DLG2: variants seen among roughly 807,000 people sequenced by gnomAD.
DLG2 encodes the protein disks large homolog 2.
In DLG2, 45 loss-of-function variants were observed where a neutral mutation model predicts 132.5. The observed-to-expected ratio is 0.34, with a 90% CI of 0.27 to 0.44. DLG2 has a LOEUF of 0.44. DLG2 is among the 20% of genes least tolerant of loss of function. The pLI, the probability that DLG2 is intolerant of heterozygous loss-of-function variation, is 1.00. For missense variants in DLG2, 1,045 were observed against 1,196.9 expected (o/e 0.87, Z 1.87); for synonymous variants, 424 against 419.6 (o/e 1.01, Z -0.13).
At chr11:84,308,924 C>T (rs1211637748) in intron 7 of DLG2, among the ~76,000 whole-genome samples, 1 of 152,172 alleles carries the variant, frequency 6.6e-6, no homozygotes, top group East Asian at 1.9e-4. Context: ...TCTCCCTCCA[C>T]ACCTCTCTGC....
chr11:84,278,556 T>A (rs1365627789), intron 7 of DLG2, among the ~76,000 whole-genome samples: 1 of 151,938 alleles, frequency 6.6e-6, no homozygotes, highest in Non-Finnish European at 1.5e-5. Context: ...TAAACCCTCA[T>A]GAATATACAA....
At chr11:83,612,577 C>G (rs997967643) in intron 19 of DLG2, among the ~76,000 whole-genome samples, 1 of 152,172 alleles carries the variant, frequency 6.6e-6, no homozygotes, top group Non-Finnish European at 1.5e-5. Flanking sequence ...CATGCCTCTC[C>G]TTTAATAAAC....
At chr11:84,826,465 A>G (rs1430714491) in intron 6 of DLG2, among the ~76,000 whole-genome samples, 1 of 151,908 alleles carries the variant, frequency 6.6e-6, no homozygotes, top group Non-Finnish European at 1.5e-5. Context: ...TTCCAATCAC[A>G]TAGCTTGTAG....
At position 84,227,144 on chromosome 11, in the gene DLG2, G is replaced by A. The variant is rs2097011234; in HGVS notation, c.573+24094C>T. Among the ~76,000 whole-genome samples the A allele has an allele frequency of 3.3e-5, 5 of 152,118 alleles. 1 individual carries two copies. The South Asian group carries it at 1.0e-3, about 32-fold the overall frequency. On this transcript the variant is annotated intron_variant, in intron 8 of 27. Coordinates refer to ENST00000376104, the MANE Select transcript of DLG2 (RefSeq NM_001142699.3). ...TAAAAAAGTACCTCAGAACAAGGAA[G>A]AGGGTGTACATGGTAGGAGGAGGGG... is the stretch of plus-strand genomic sequence containing the variant.
At chr11:85,490,902 A>T (rs980627051) in intron 3 of DLG2, among the ~76,000 whole-genome samples, 1 of 152,166 alleles carries the variant, frequency 6.6e-6, no homozygotes, top group African/African-American at 2.4e-5. Flanking sequence ...AAAAGGGAAG[A>T]ATTATCCCGA....
chr11:84,541,741 G>A (rs917626756), intron 6 of DLG2, among the ~76,000 whole-genome samples: 8 of 152,096 alleles, frequency 5.3e-5, no homozygotes, highest in South Asian at 2.1e-4. Flanking sequence ...AACATGATCC[G>A]CATAATCAGA....
chr11:85,378,847 T>C (rs1016554489), intron 3 of DLG2, among the ~76,000 whole-genome samples: 4 of 152,186 alleles, frequency 2.6e-5, no homozygotes, highest in Non-Finnish European at 5.9e-5. Context: ...AAAGTTTGAA[T>C]ACATCTTTCC....
chr11:85,481,625 CAGGTCTGTAT>C (rs1302734480), intron 3 of DLG2, among the ~76,000 whole-genome samples: 1 of 152,122 alleles, frequency 6.6e-6, no homozygotes, highest in African/African-American at 2.4e-5. Context: ...CCCCAAACTC[CAGGTCTGTAT>C]AGCAAATTAA....
At chr11:83,790,327 A>C (rs1388665589) in intron 17 of DLG2, 3 of 877,904 alleles carry the variant, frequency 3.4e-6, no homozygotes, top group Non-Finnish European at 5.6e-6. Flanking sequence ...TCAAGCTTAA[A>C]AGGTAACAGT....
At chr11:84,495,843 T>C (rs1477918296) in intron 7 of DLG2, among the ~76,000 whole-genome samples, 2 of 152,130 alleles carry the variant, frequency 1.3e-5, no homozygotes, top group Non-Finnish European at 2.9e-5. Context: ...CCACGTATGT[T>C]TGAAGAATAA....
chr11:85,351,657 T>C (rs2083297945), intron 3 of DLG2, among the ~76,000 whole-genome samples: 1 of 152,216 alleles, frequency 6.6e-6, no homozygotes, highest in East Asian at 1.9e-4. Flanking sequence ...TCTGCATCTA[T>C]TGAGATAATT....
At chr11:84,953,077 TATA>T (rs2051172912) in intron 6 of DLG2, among the ~76,000 whole-genome samples, 1 of 152,196 alleles carries the variant, frequency 6.6e-6, no homozygotes, top group South Asian at 2.1e-4. Context: ...CCTGGTCCAT[TATA>T]ATAATATCAC....
chr11:84,176,914 C>T (rs1438774712), intron 8 of DLG2, among the ~76,000 whole-genome samples: 1 of 151,984 alleles, frequency 6.6e-6, no homozygotes, highest in Non-Finnish European at 1.5e-5. Context: ...CATTCCCTTC[C>T]TTTCCTTTTC....
chr11:83,907,185 T>C (rs1051469173), intron 15 of DLG2, among the ~76,000 whole-genome samples: 2 of 152,084 alleles, frequency 1.3e-5, no homozygotes, highest in South Asian at 2.1e-4. Flanking sequence ...GAGAAACATC[T>C]TGAGAAAGAA....
intron 7 of DLG2, among the ~76,000 whole-genome samples, chr11:84,394,051 A>G (rs1463542549): frequency 6.6e-6 from 1 of 151,864 alleles, no homozygotes; most frequent in Non-Finnish European, 1.5e-5. Context: ...ACGCCCAGCT[A>G]TTTTTAGTAG....
intron 3 of DLG2, among the ~76,000 whole-genome samples, chr11:85,546,715 T>C (rs914930335): frequency 3.3e-5 from 5 of 152,138 alleles, no homozygotes; most frequent in African/African-American, 1.2e-4. Context: ...TTAGCTCTTC[T>C]GGTTGCATTG....
At chr11:85,047,970 G>A (rs1428884176) in intron 6 of DLG2, among the ~76,000 whole-genome samples, 1 of 151,880 alleles carries the variant, frequency 6.6e-6, no homozygotes, top group African/African-American at 2.4e-5. Context: ...CCTGTTGCCT[G>A]AGAGATCCCT....
intron 3 of DLG2, among the ~76,000 whole-genome samples, chr11:85,564,922 A>G (rs1276073473): frequency 6.6e-6 from 1 of 152,068 alleles, no homozygotes; most frequent in Non-Finnish European, 1.5e-5. Flanking sequence ...TTCTGATAGC[A>G]AAGTTTTATA....
At chr11:84,209,117 G>T (rs909273717) in intron 8 of DLG2, among the ~76,000 whole-genome samples, 5 of 152,160 alleles carry the variant, frequency 3.3e-5, no homozygotes, top group African/African-American at 1.2e-4. Flanking sequence ...AAAGGTTAAC[G>T]TCACCAGAAA....
Sources: gnomAD v4.1 joint callset for allele counts (sites outside exome capture counted in the v4.1 genomes callset) on GRCh38, gnomAD v4.1.1 for gene constraint, MANE v1.5 for transcripts, NCBI Gene and HGNC (gene_info 2026-07-23, HGNC 2026-07-21) for gene names.